Variants in UGGT1 observed in about 807,000 individuals in gnomAD.
UGGT1 encodes UDP-glucose:glycoprotein glucosyltransferase 1.
Under a neutral mutation model 203.9 loss-of-function variants are expected in UGGT1, and 107 were observed. The observed-to-expected ratio is 0.52, with a 90% CI of 0.45 to 0.62. UGGT1 has a LOEUF of 0.62. Ranked by LOEUF, UGGT1 falls within the 20% of genes least tolerant of loss-of-function variation. The pLI is 0.00. For missense variants in UGGT1, 1,673 were observed against 1,867.2 expected (o/e 0.90, Z 1.92); for synonymous variants, 628 against 653.5 (o/e 0.96, Z 0.59).
intron 4 of UGGT1, 141 bp from the exon 5 acceptor site, chr2:128,109,493 A>AT: frequency 1.5e-6 from 1 of 682,476 alleles, no homozygotes; most frequent in South Asian, 1.8e-5. Flanking sequence ...AAGTGCTGGG[A>AT]TTACAGGCAC....
intron 1 of UGGT1, chr2:128,091,682 A>C (rs546508972): frequency 9.5e-7 from 1 of 1,049,834 alleles, no homozygotes. Context: ...TGCCAAGTGC[A>C]GAAGGAAATG....
At position 128,127,453 on chromosome 2, in the gene UGGT1, G is replaced by A. The variant is rs1442023516; in HGVS notation, c.1226+1G>A. ...ATTTAGATACACAGGATATATTCAG[G>A]TATGGATAATATTTTTCATTCTCTG... On this transcript the variant is annotated splice_donor_variant, in intron 12 of 40. Transcript: ENST00000259253. LOFTEE classifies it high-confidence loss of function. 1.2e-6 allele frequency: 2 copies of A among 1,603,198 alleles called. No individual in the cohort carries two copies. The highest frequency in any genetic ancestry group is 1.7e-6 in the Non-Finnish European group (2 of 1,171,512).
At chr2:128,141,018 A>G (rs1442417634) in intron 16 of UGGT1, among the ~76,000 whole-genome samples, 2 of 151,856 alleles carry the variant, frequency 1.3e-5, no homozygotes, top group African/African-American at 4.8e-5. Context: ...GTGAAGTAAT[A>G]CTGCTCACTG....
intron 28 of UGGT1, 62 bp downstream of exon 28, chr2:128,171,346 G>C (rs1691093212): frequency 7.0e-7 from 1 of 1,431,596 alleles, no homozygotes; most frequent in African/African-American, 1.4e-5. Flanking sequence ...TTCTGATATT[G>C]CATGTTAGAG....
chr2:128,091,592 G>T (rs1192843181), intron 1 of UGGT1, 177 bp downstream of exon 1: 7 of 1,437,844 alleles, frequency 4.9e-6, no homozygotes, highest in Non-Finnish European at 6.4e-6. Flanking sequence ...GGTCTTCTTG[G>T]CAAGGTATCG....
Position 128,138,808 on chromosome 2 carries a change from G to A in UGGT1, c.1675G>A (p.Ala559Thr). Residue 559 changes from alanine (A) to threonine (T), a missense_variant, in exon 16 of 41, where the codon GCC becomes ACC. By Grantham distance (58) the Ala-to-Thr change is moderately conservative (BLOSUM62 0). Around this residue, in one of 4 missense-constraint regions of UGGT1, gnomAD observed 1,073 missense variants for 1,078.7 expected, o/e 0.99. Coordinates refer to ENST00000259253, the MANE Select transcript of UGGT1 (RefSeq NM_020120.4). ...TGTTCTTAGAGCATATAATTATGTT[G>A]CCCAAGAAGTGGATGATTATCATGC... ...VAVLRAYNYV[A>T]QEVDDYHAFQ... 12 of 1,614,084 alleles carry A rather than the reference G, an allele frequency of 7.4e-6. No homozygotes were observed. The highest frequency in any genetic ancestry group is 5.5e-5 in the South Asian group (5 of 91,076).
At chr2:128,152,479 A>T (rs1690020182) in intron 18 of UGGT1, among the ~76,000 whole-genome samples, 1 of 152,150 alleles carries the variant, frequency 6.6e-6, no homozygotes. Context: ...TTTCATAATC[A>T]CTTTGCATTA....
At chr2:128,155,368 TA>T (rs1690177530) in intron 19 of UGGT1, 120 bp from the exon 20 acceptor site, 1 of 724,564 alleles carries the variant, frequency 1.4e-6, no homozygotes, top group Non-Finnish European at 2.2e-6. Flanking sequence ...ACATGGAACT[TA>T]ATATACTTCA....
At chr2:128,143,617 G>C (rs1168451661) in intron 17 of UGGT1, among the ~76,000 whole-genome samples, 1 of 152,164 alleles carries the variant, frequency 6.6e-6, no homozygotes, top group Non-Finnish European at 1.5e-5. Flanking sequence ...TCTTGATTGT[G>C]CTGAAAAATT....
intron 38 of UGGT1, 38 bp from the exon 39 acceptor site, chr2:128,186,645 T>C (rs1474599519): frequency 1.2e-5 from 18 of 1,493,980 alleles, no homozygotes; most frequent in Non-Finnish European, 1.6e-5. Context: ...GAACTTTAGA[T>C]ACATGTATTT....
chr2:128,123,358 GTGATTTT>G (rs1642069361), intron 11 of UGGT1, 112 bp downstream of exon 11: 1 of 928,094 alleles, frequency 1.1e-6, no homozygotes, highest in Non-Finnish European at 1.6e-6. Context: ...ATCTAAGATG[GTGATTTT>G]TTCATTTCTG....
intron 12 of UGGT1, 65 bp downstream of exon 12, chr2:128,127,517 A>G (rs1191589978): frequency 1.7e-5 from 21 of 1,224,056 alleles, no homozygotes; most frequent in Non-Finnish European, 2.3e-5. Context: ...TAACATGTTC[A>G]TATTGCCGTT....
rs116259345 is a variant in UGGT1 at position 128,168,352 on chromosome 2, C to G, written c.2922-1936C>G. On this transcript the variant is annotated intron_variant, in intron 26 of 40. Transcript: ENST00000259253. Reference sequence around the variant, plus strand: ...TGAAATTGTTAATAATGCCAGAGATCGAAAGCACCTACCTCAACACAGATA... The same window carrying G: ...TGAAATTGTTAATAATGCCAGAGATGGAAAGCACCTACCTCAACACAGATA... Among the ~76,000 whole-genome samples the G allele has an allele frequency of 6.3e-3, 961 of 152,210 alleles. 4 individuals are homozygous for G. Among genetic ancestry groups the G allele is most frequent in the Non-Finnish European group, 7.8e-3 (530 of 68,006 alleles).
rs1476159705 is a variant in UGGT1 at position 128,091,313 on chromosome 2, C to T, written c.-45C>T. 6.6e-7 allele frequency: 1 copy of T among 1,524,936 alleles called. No individual in the cohort carries two copies. The highest frequency in any genetic ancestry group is 1.4e-5 in the African/African-American group (1 of 70,818). 94.5% of individuals were successfully genotyped at this position (1,524,936 alleles called of 1,614,324 possible). A position where few individuals can be genotyped will look rare whatever the true frequency, so the allele number is the denominator to read the frequency against. Reference sequence around the variant, plus strand: ...CGCTGCCGCCTCGCCCCGCCCTGCCCTGGCGTTGTCTCTGGCACTGTGGCG... The same window carrying T: ...CGCTGCCGCCTCGCCCCGCCCTGCCTTGGCGTTGTCTCTGGCACTGTGGCG... On this transcript the variant is annotated 5_prime_UTR_variant, in exon 1 of 41. Transcript: ENST00000259253.
At chr2:128,179,451 A>C (rs933511042) in intron 34 of UGGT1, among the ~76,000 whole-genome samples, 1 of 152,170 alleles carries the variant, frequency 6.6e-6, no homozygotes, top group Non-Finnish European at 1.5e-5. Flanking sequence ...GAGTGATGTC[A>C]GTTACCCCGA....
chr2:128,169,200 T>C (rs747948870), intron 26 of UGGT1, among the ~76,000 whole-genome samples: 3 of 150,500 alleles, frequency 2.0e-5, no homozygotes, highest in Non-Finnish European at 4.4e-5. Flanking sequence ...GTGAGACCCG[T>C]ATCTCTACAA....
Position 128,187,570 on chromosome 2 carries a change from C to G in UGGT1, c.4598C>G (p.Thr1533Arg), listed in dbSNP as rs750339160. ...ATCCGCTTTCAGAAGGAGAAAGAAA[C>G]GGGAGCACTGTACAAAGAGAAGACA... ...LQIRFQKEKETGALYKEKTKE... is the reference protein window; with the variant it reads ...LQIRFQKEKERGALYKEKTKE... Residue 1533 changes from threonine (T) to arginine (R), a missense_variant, in exon 40 of 41, where the codon ACG (threonine) becomes AGG (arginine). Thr to Arg is a moderately conservative substitution (Grantham distance 71). Transcript: ENST00000259253. The G allele has an allele frequency of 3.1e-6, 5 of 1,613,780 alleles. No homozygotes were observed. Among genetic ancestry groups the G allele is most frequent in the Non-Finnish European group, 4.2e-6 (5 of 1,179,908 alleles).
intron 27 of UGGT1, among the ~76,000 whole-genome samples, chr2:128,170,958 C>T (rs969672187): frequency 1.5e-4 from 23 of 152,186 alleles, no homozygotes; most frequent in Non-Finnish European, 3.1e-4. Flanking sequence ...GCTGCTTCCC[C>T]ACAGGAACTG....
chr2:128,189,839 G>T lies in UGGT1; in HGVS notation c.*97G>T. 1 of 1,418,710 alleles carries T rather than the reference G, an allele frequency of 7.0e-7. No homozygotes were observed. Among genetic ancestry groups the T allele is most frequent in the Non-Finnish European group, 9.8e-7 (1 of 1,023,964 alleles). 87.9% of individuals were successfully genotyped at this position (1,418,710 alleles called of 1,614,324 possible). A position where few individuals can be genotyped will look rare whatever the true frequency, so the allele number is the denominator to read the frequency against. ...CTGTCTATACAACTGCTGATAAGCC[G>T]GCTGGGCAGGAGTGCCACACCTTTT... On this transcript the variant is annotated 3_prime_UTR_variant, in exon 41 of 41. Transcript: ENST00000259253.
Sources: gnomAD v4.1 joint callset for allele counts (sites outside exome capture counted in the v4.1 genomes callset) on GRCh38, gnomAD v4.1.1 for gene constraint, gnomAD v4.1.1 regional missense constraint, MANE v1.5 for transcripts, NCBI Gene and HGNC (gene_info 2026-07-23, HGNC 2026-07-21) for gene names.